CTNND2: variants seen among roughly 807,000 people sequenced by gnomAD.
CTNND2 encodes catenin delta-2.
In CTNND2, 22 loss-of-function variants were observed where a neutral mutation model predicts 144.4. That is an observed-to-expected ratio of 0.15 (90% CI 0.11 to 0.22). The LOEUF is 0.22. Among genes scored for constraint, CTNND2 ranks in the 10% least tolerant of loss-of-function variants. The pLI, the probability that CTNND2 is intolerant of heterozygous loss-of-function variation, is 1.00. For synonymous variants in CTNND2, 751 were observed against 695.6 expected, an observed-to-expected ratio of 1.08 and a Z score of -1.25; for missense variants, 1,353 against 1,618.8, an observed-to-expected ratio of 0.84 and a Z score of 2.82.
rs35360011 is a variant in CTNND2 at position 11,817,981 on chromosome 5, GT to G, written c.38-85710del. ...GAAGTGAAGATACGTATTATGAGGTGTTTTTTTTTTTTTTTTTTTTTTTCAG... is the reference window on the plus strand; with the variant it reads ...GAAGTGAAGATACGTATTATGAGGTGTTTTTTTTTTTTTTTTTTTTTTCAG... On this transcript the variant is annotated intron_variant, in intron 1 of 21. Coordinates refer to ENST00000304623, the MANE Select transcript of CTNND2 (RefSeq NM_001332.4). Among the ~76,000 whole-genome samples, 224 of 31,876 alleles carry G rather than the reference GT, an allele frequency of 7.0e-3. 1 individual carries two copies. The highest frequency in any genetic ancestry group is 0.018 in the African/African-American group (210 of 11,976). 20.9% of individuals were successfully genotyped at this position (31,876 alleles called of 152,430 possible). A position where few individuals can be genotyped will look rare whatever the true frequency, so the allele number is the denominator to read the frequency against.
At chr5:11,458,477 G>A (rs577140990) in intron 3 of CTNND2, among the ~76,000 whole-genome samples, 127 of 152,308 alleles carry the variant, frequency 8.3e-4, no homozygotes, top group African/African-American at 3.0e-3. Flanking sequence ...CCTCATGGCT[G>A]GGCAACTTTC....
chr5:11,399,576 T>C (rs1287989776), intron 5 of CTNND2, among the ~76,000 whole-genome samples: 1 of 152,228 alleles, frequency 6.6e-6, no homozygotes, highest in African/African-American at 2.4e-5. Flanking sequence ...AAAGTCCCTT[T>C]TCAAAAGAAT....
At chr5:11,428,926 ATACTT>A (rs1763029331) in intron 3 of CTNND2, among the ~76,000 whole-genome samples, 1 of 152,230 alleles carries the variant, frequency 6.6e-6, no homozygotes, top group Non-Finnish European at 1.5e-5. Context: ...TTAATATTAA[ATACTT>A]TAAGAACATA....
intron 3 of CTNND2, among the ~76,000 whole-genome samples, chr5:11,416,999 A>G (rs1761987883): frequency 6.6e-6 from 1 of 152,254 alleles, no homozygotes; most frequent in African/African-American, 2.4e-5. Flanking sequence ...TTAAATACAT[A>G]AAGACATCAG....
chr5:11,536,797 G>A (rs181365053), intron 3 of CTNND2, among the ~76,000 whole-genome samples: 18 of 151,962 alleles, frequency 1.2e-4, no homozygotes, highest in Non-Finnish European at 2.9e-5. Flanking sequence ...GGTTATGGGC[G>A]CACCAAAATC....
intron 8 of CTNND2, among the ~76,000 whole-genome samples, chr5:11,355,429 G>C (rs1445058300): frequency 6.6e-6 from 1 of 151,984 alleles, no homozygotes. Flanking sequence ...CATTTCAATA[G>C]ATTCTGCAAA....
chr5:11,320,941 C>T (rs1343145970), intron 9 of CTNND2, among the ~76,000 whole-genome samples: 1 of 152,190 alleles, frequency 6.6e-6, no homozygotes, highest in African/African-American at 2.4e-5. Context: ...CATAGCTTTA[C>T]ACAATCTATT....
intron 7 of CTNND2, among the ~76,000 whole-genome samples, chr5:11,371,414 G>T (rs1757470663): frequency 6.6e-6 from 1 of 152,188 alleles, no homozygotes; most frequent in Non-Finnish European, 1.5e-5. Flanking sequence ...TAGATCTGAA[G>T]AATACCTCAT....
chr5:11,143,739 G>C, intron 12 of CTNND2, among the ~76,000 whole-genome samples: 1 of 152,256 alleles, frequency 6.6e-6, no homozygotes, highest in East Asian at 1.9e-4. Context: ...CTAATAAGGA[G>C]AGTGAATCAT....
At chr5:11,585,516 C>CTATT (rs1296557343) in intron 2 of CTNND2, among the ~76,000 whole-genome samples, 1 of 149,700 alleles carries the variant, frequency 6.7e-6, no homozygotes, top group Non-Finnish European at 1.5e-5. Context: ...ATCTATCTAT[C>CTATT]TATCTATATC....
intron 1 of CTNND2, among the ~76,000 whole-genome samples, chr5:11,776,218 G>C (rs147141624): frequency 4.9e-4 from 74 of 152,172 alleles, no homozygotes; most frequent in Admixed American, 1.1e-3. Flanking sequence ...CAGAATCCTA[G>C]GTTTTCTGTA....
intron 2 of CTNND2, among the ~76,000 whole-genome samples, chr5:11,713,802 T>C (rs1032365943): frequency 3.3e-5 from 5 of 152,094 alleles, no homozygotes; most frequent in South Asian, 2.1e-4. Flanking sequence ...CAATGAAATA[T>C]GTCATGGATT....
At chr5:11,015,915 G>A (rs1207479235) in intron 18 of CTNND2, among the ~76,000 whole-genome samples, 1 of 152,160 alleles carries the variant, frequency 6.6e-6, no homozygotes, top group African/African-American at 2.4e-5. Context: ...AGGAGGCTGG[G>A]ATAGGAATTT....
At chr5:11,412,475 T>A (rs889674702) in intron 3 of CTNND2, among the ~76,000 whole-genome samples, 2 of 152,142 alleles carry the variant, frequency 1.3e-5, no homozygotes, top group African/African-American at 4.8e-5. Flanking sequence ...ATTAGAGAGA[T>A]GAAATAAATC....
chr5:11,187,715 G>T (rs1351599151), intron 11 of CTNND2, among the ~76,000 whole-genome samples: 1 of 152,052 alleles, frequency 6.6e-6, no homozygotes, highest in Non-Finnish European at 1.5e-5. Context: ...ATCTGCAAAG[G>T]TCTAGTATCC....
At chr5:11,259,356 G>T (rs985443352) in intron 9 of CTNND2, among the ~76,000 whole-genome samples, 1 of 152,116 alleles carries the variant, frequency 6.6e-6, no homozygotes, top group African/African-American at 2.4e-5. Flanking sequence ...AAAAAAAGAT[G>T]GCACCATGTA....
At chr5:11,467,315 G>A (rs1240249051) in intron 3 of CTNND2, among the ~76,000 whole-genome samples, 4 of 152,224 alleles carry the variant, frequency 2.6e-5, no homozygotes, top group Non-Finnish European at 5.9e-5. Flanking sequence ...TTCCTGCATG[G>A]TTTCTGCTCG....
intron 3 of CTNND2, among the ~76,000 whole-genome samples, chr5:11,533,071 A>C (rs1343240035): frequency 6.6e-6 from 1 of 152,222 alleles, no homozygotes; most frequent in Non-Finnish European, 1.5e-5. Context: ...CAGGGGGCGG[A>C]GAAGAGGAAA....
At chr5:11,076,574 C>G (rs1248928557) in intron 16 of CTNND2, among the ~76,000 whole-genome samples, 1 of 150,958 alleles carries the variant, frequency 6.6e-6, no homozygotes, top group Non-Finnish European at 1.5e-5. Flanking sequence ...ACCTCGGCTA[C>G]TATTCTATGC....
Sources: gnomAD v4.1 joint callset for allele counts (sites outside exome capture counted in the v4.1 genomes callset) on GRCh38, gnomAD v4.1.1 for gene constraint, MANE v1.5 for transcripts, NCBI Gene and HGNC (gene_info 2026-07-23, HGNC 2026-07-21) for gene names.